The following PRKG1 variants were observed in gnomAD, a reference collection of about 807,000 sequenced individuals.
PRKG1 encodes the protein protein kinase cGMP-dependent 1, also known as cGMP-dependent protein kinase 1.
PRKG1 carries 35 observed loss-of-function variants against 88.1 expected under a neutral mutation model. The observed-to-expected ratio is 0.40, with a 90% CI of 0.30 to 0.53. PRKG1 has a LOEUF of 0.53. Among genes scored for constraint, PRKG1 ranks in the 20% least tolerant of loss-of-function variants. The pLI is 0.59. For missense variants in PRKG1, 540 were observed against 839.8 expected (o/e 0.64, Z 4.41); for synonymous variants, 303 against 292.5 (o/e 1.04, Z -0.37).
At chr10:52,064,647 C>T (rs1336129481) in intron 7 of PRKG1, among the ~76,000 whole-genome samples, 3 of 152,190 alleles carry the variant, frequency 2.0e-5, no homozygotes, top group East Asian at 1.9e-4. Context: ...AGACAGGGCT[C>T]CTGCCTCCTC....
intron 2 of PRKG1, among the ~76,000 whole-genome samples, chr10:51,181,088 G>A (rs1176628372): frequency 6.6e-6 from 1 of 151,900 alleles, no homozygotes; most frequent in East Asian, 1.9e-4. Context: ...CATACAAACC[G>A]CACTGAGGAG....
rs57502018 is a variant in PRKG1 at position 51,087,185 on chromosome 10, A to AT, written c.311+12292dup. Among the ~76,000 whole-genome samples the AT allele has an allele frequency of 4.6e-4, 69 of 151,486 alleles. 1 individual carries two copies. In the East Asian group the frequency reaches 9.7e-3, roughly 21 times the overall value. On this transcript the variant is annotated intron_variant, in intron 1 of 17. Coordinates refer to ENST00000373980, the MANE Select transcript of PRKG1 (RefSeq NM_006258.4). ...AAATTAGGCTCACTTTTTTTTCTTC[A>AT]TTTTTTTTCTGGACCTAGAAACAAT...
intron 12 of PRKG1, among the ~76,000 whole-genome samples, chr10:52,276,537 TA>T (rs764902754): frequency 6.6e-6 from 1 of 152,158 alleles, no homozygotes. Flanking sequence ...TATTCATAAA[TA>T]ACCTTCTATT....
intron 4 of PRKG1, among the ~76,000 whole-genome samples, chr10:51,893,440 T>C (rs988698598): frequency 3.3e-5 from 5 of 152,062 alleles, no homozygotes; most frequent in Non-Finnish European, 4.4e-5. Flanking sequence ...GCACAATGGG[T>C]GGCATACAGA....
rs185844846 is a variant in PRKG1 at position 51,236,542 on chromosome 10, G to A, written c.478+83212G>A. Among the ~76,000 whole-genome samples, 668 of 148,984 alleles carry A rather than the reference G, an allele frequency of 4.5e-3. 5 individuals carry two copies. The highest frequency in any genetic ancestry group is 0.016 in the African/African-American group (635 of 40,230). On this transcript the variant is annotated intron_variant, in intron 2 of 17. Coordinates refer to ENST00000373980, the MANE Select transcript of PRKG1 (RefSeq NM_006258.4). ...TTTTTTAATGGAGTCTTGCTCTGTCGCCCAGGCTGGAGTGCAGTGGCATGA... is the reference window on the plus strand; with the variant it reads ...TTTTTTAATGGAGTCTTGCTCTGTCACCCAGGCTGGAGTGCAGTGGCATGA...
intron 1 of PRKG1, among the ~76,000 whole-genome samples, chr10:51,022,060 A>C (rs573510442): frequency 1.3e-5 from 2 of 152,326 alleles, no homozygotes; most frequent in African/African-American, 4.8e-5. Flanking sequence ...ATTTTTATAA[A>C]ATCAATTAAT....
intron 2 of PRKG1, among the ~76,000 whole-genome samples, chr10:51,405,428 A>G (rs895488264): frequency 6.6e-6 from 1 of 152,236 alleles, no homozygotes; most frequent in African/African-American, 2.4e-5. Flanking sequence ...CCACTAGTCA[A>G]ATAAAAGAGA....
At chr10:52,223,734 T>G (rs1840310780) in intron 9 of PRKG1, among the ~76,000 whole-genome samples, 1 of 152,148 alleles carries the variant, frequency 6.6e-6, no homozygotes, top group Non-Finnish European at 1.5e-5. Flanking sequence ...CTGAACTACT[T>G]TTTCTCTAAG....
intron 3 of PRKG1, among the ~76,000 whole-genome samples, chr10:51,692,551 C>T (rs1202677916): frequency 2.0e-5 from 3 of 152,126 alleles, no homozygotes; most frequent in Non-Finnish European, 4.4e-5. Context: ...CCCAACTATA[C>T]CATTTTCCAA....
chr10:51,123,068 T>A (rs1183678270), intron 1 of PRKG1, among the ~76,000 whole-genome samples: 4 of 152,208 alleles, frequency 2.6e-5, no homozygotes, highest in African/African-American at 9.7e-5. Flanking sequence ...CTTCTGACAC[T>A]GTTGTACTGA....
intron 2 of PRKG1, among the ~76,000 whole-genome samples, chr10:51,172,128 T>C (rs1483723774): frequency 6.6e-6 from 1 of 152,036 alleles, no homozygotes; most frequent in Non-Finnish European, 1.5e-5. Flanking sequence ...AAATAACAAT[T>C]CCAGAAATTA....
intron 5 of PRKG1, among the ~76,000 whole-genome samples, chr10:51,971,064 A>G (rs1843703580): frequency 6.7e-6 from 1 of 150,026 alleles, no homozygotes; most frequent in African/African-American, 2.4e-5. Context: ...GAATCTCACA[A>G]ATATGATTCT....
Position 51,495,551 on chromosome 10 carries a change from C to T in PRKG1, c.592+27715C>T, listed in dbSNP as rs10997796. Reference sequence around the variant, plus strand: ...GACGCTATCACCTGGTTTATGAAAACAGCAAGTGGATGGGTCTCAAGCAAT... The same window carrying T: ...GACGCTATCACCTGGTTTATGAAAATAGCAAGTGGATGGGTCTCAAGCAAT... On this transcript the variant is annotated intron_variant, in intron 3 of 17. Coordinates refer to ENST00000373980, the MANE Select transcript of PRKG1 (RefSeq NM_006258.4). 0.023 allele frequency among the ~76,000 whole-genome samples: 3,474 copies of T among 152,256 alleles called. 187 individuals carry two copies. The East Asian group carries it at 0.23, about 10-fold the overall frequency.
chr10:52,119,874 TG>T (rs1043837777), intron 7 of PRKG1, among the ~76,000 whole-genome samples: 3 of 151,006 alleles, frequency 2.0e-5, no homozygotes, highest in Admixed American at 2.0e-4. Flanking sequence ...AGGCAGAAGG[TG>T]GAAAGGGAAG....
At chr10:51,534,956 G>A (rs1014422512) in intron 3 of PRKG1, among the ~76,000 whole-genome samples, 5 of 151,732 alleles carry the variant, frequency 3.3e-5, no homozygotes, top group Admixed American at 2.6e-4. Flanking sequence ...CAACCAACAA[G>A]CAAAAAAAGT....
chr10:51,115,704 A>G (rs1278876971), intron 1 of PRKG1, among the ~76,000 whole-genome samples: 2 of 151,480 alleles, frequency 1.3e-5, no homozygotes, highest in East Asian at 4.0e-4. Flanking sequence ...CAGCGTGGTG[A>G]CGCGCACCTG....
At chr10:51,758,225 G>A (rs1306703972) in intron 3 of PRKG1, among the ~76,000 whole-genome samples, 1 of 152,150 alleles carries the variant, frequency 6.6e-6, no homozygotes, top group East Asian at 1.9e-4. Flanking sequence ...TCAACAGACT[G>A]TTCCAATGGT....
chr10:51,992,849 C>T (rs1844347772), intron 5 of PRKG1, among the ~76,000 whole-genome samples: 1 of 152,040 alleles, frequency 6.6e-6, no homozygotes, highest in Non-Finnish European at 1.5e-5. Context: ...TTTTCATATC[C>T]AGTGTCAGTT....
At chr10:51,515,691 G>A (rs1841560226) in intron 3 of PRKG1, among the ~76,000 whole-genome samples, 1 of 152,070 alleles carries the variant, frequency 6.6e-6, no homozygotes, top group Non-Finnish European at 1.5e-5. Context: ...CACACACAAT[G>A]AGTACCCAAT....
Sources: allele counts gnomAD v4.1 joint callset (sites outside exome capture counted in the v4.1 genomes callset), GRCh38; gene constraint gnomAD v4.1.1; transcripts MANE v1.5; gene names NCBI Gene and HGNC (gene_info 2026-07-23, HGNC 2026-07-21).